The following LMBR1 variants were observed in gnomAD, a reference collection of about 807,000 sequenced individuals.
LMBR1 encodes limb region 1 protein homolog.
LMBR1 carries 52 observed loss-of-function variants against 73.9 expected under a neutral mutation model. That is an observed-to-expected ratio of 0.70 (90% confidence interval 0.56 to 0.89). The LOEUF (loss-of-function observed/expected upper bound fraction) is 0.89. Among genes scored for constraint, LMBR1 ranks in the 40% least tolerant of loss-of-function variants. The probability of loss-of-function intolerance (pLI) is 0.00; values close to 1 mark genes in which losing one functional copy is unlikely to be tolerated. For missense variants in LMBR1, 539 were observed against 579.8 expected, an observed-to-expected ratio of 0.93 and a Z score of 0.72; for synonymous variants, 215 against 209.4, an observed-to-expected ratio of 1.03 and a Z score of -0.23.
downstream of LMBR1, chr7:156,676,640 G>A (rs1385042015): frequency 3.1e-6 from 5 of 1,613,436 alleles, no homozygotes; most frequent in African/African-American, 6.7e-5. Flanking sequence ...ACCAGAAGAA[G>A]ATTCTTGAAT....
intron 4 of LMBR1, among the ~76,000 whole-genome samples, chr7:156,812,823 A>C (rs936670705): frequency 6.6e-6 from 1 of 152,074 alleles, no homozygotes; most frequent in African/African-American, 2.4e-5. Context: ...TGCCTGGTAC[A>C]CTCTAGCCCC....
At position 156,893,171 on chromosome 7, in the gene LMBR1, AG is replaced by A. The variant is rs1803498937; in HGVS notation, c.-179del. The A allele has an allele frequency of 2.2e-6, 1 of 447,774 alleles. No individual in the cohort carries two copies. The highest frequency in any genetic ancestry group is 4.9e-5 in the Admixed American group (1 of 20,258). The allele number at this position is 447,774 out of a possible 1,614,324, so 27.7% of individuals were successfully genotyped here. On this transcript the variant is annotated 5_prime_UTR_variant, in exon 1 of 17. Coordinates refer to ENST00000353442, the MANE Select transcript of LMBR1 (RefSeq NM_022458.4). ...GCCGTCGCCTCAGCAGCCTCAGACG[AG>A]CAGCTCTGACTAAGGGAGGGCGGGC...
At chr7:156,852,880 G>GTTTTTTGGC in intron 1 of LMBR1, among the ~76,000 whole-genome samples, 1 of 151,776 alleles carries the variant, frequency 6.6e-6, no homozygotes, top group Non-Finnish European at 1.5e-5. Flanking sequence ...AAAAAGTACA[G>GTTTTTTGGC]AAGATAAGCA....
chr7:156,742,815 C>CAAGGGTGAAGCAAA lies in LMBR1; in HGVS notation c.758-8559_758-8558insTTTGCTTCACCCTT, dbSNP rs546022553. ...CACATCAAAGAAAGCAAACTACAGA[C>CAAGGGTGAAGCAAA]CAACATCTCTGATGAATATTGATGC... On this transcript the variant is annotated intron_variant, in intron 9 of 16. Coordinates refer to ENST00000353442, the MANE Select transcript of LMBR1 (RefSeq NM_022458.4). Among the ~76,000 whole-genome samples the CAAGGGTGAAGCAAA allele has an allele frequency of 2.5e-3, 373 of 152,228 alleles. 1 individual carries two copies. The highest frequency in any genetic ancestry group is 0.024 in the Middle Eastern group (7 of 294).
intron 15 of LMBR1, among the ~76,000 whole-genome samples, chr7:156,690,066 A>G (rs938154627): frequency 1.3e-5 from 2 of 152,192 alleles, no homozygotes; most frequent in African/African-American, 4.8e-5. Context: ...CACAGCACGA[A>G]GTTCACTGAC....
intron 5 of LMBR1, among the ~76,000 whole-genome samples, chr7:156,793,435 T>C (rs1431023519): frequency 2.0e-5 from 3 of 152,230 alleles, no homozygotes; most frequent in African/African-American, 4.8e-5. Context: ...TCTAAACATT[T>C]CTACTAGGAT....
chr7:156,788,689 G>A (rs1007855630), intron 5 of LMBR1, among the ~76,000 whole-genome samples: 5 of 151,910 alleles, frequency 3.3e-5, no homozygotes, highest in Admixed American at 1.3e-4. Context: ...GAAATAGTAC[G>A]AGGTATATTT....
chr7:156,698,801 C>G (rs911442485), intron 15 of LMBR1, among the ~76,000 whole-genome samples: 3 of 152,132 alleles, frequency 2.0e-5, no homozygotes, highest in Non-Finnish European at 4.4e-5. Context: ...AGACACTTTC[C>G]CCATTATCTT....
intron 2 of LMBR1, among the ~76,000 whole-genome samples, 183 bp from the exon 3 acceptor site, chr7:156,833,975 G>A (rs1268297931): frequency 1.3e-5 from 2 of 152,038 alleles, no homozygotes; most frequent in Non-Finnish European, 2.9e-5. Context: ...CAAGTAGTAT[G>A]GTATATAGAG....
At chr7:156,838,804 A>G (rs540300397) in intron 1 of LMBR1, among the ~76,000 whole-genome samples, 3 of 152,218 alleles carry the variant, frequency 2.0e-5, no homozygotes, top group South Asian at 2.1e-4. Context: ...ACTGTTTTTT[A>G]TAACGGCCAT....
chr7:156,828,262 T>G (rs1176501463), intron 3 of LMBR1, among the ~76,000 whole-genome samples: 2 of 152,210 alleles, frequency 1.3e-5, no homozygotes, highest in Non-Finnish European at 2.9e-5. Context: ...TCAGGGTTCC[T>G]TCTTGCCCCT....
At chr7:156,840,274 G>A (rs113621731) in intron 1 of LMBR1, among the ~76,000 whole-genome samples, 4,854 of 152,184 alleles carry the variant, frequency 0.032, 126 homozygotes, top group South Asian at 0.085. Context: ...AAAGTGTGTC[G>A]TATGATAATT....
At chr7:156,712,947 G>A (rs564675920) in intron 15 of LMBR1, among the ~76,000 whole-genome samples, 7 of 152,210 alleles carry the variant, frequency 4.6e-5, no homozygotes, top group Non-Finnish European at 7.4e-5. Context: ...TACAAGCCCT[G>A]ACTACACCAT....
At position 156,839,419 on chromosome 7, in the gene LMBR1, G is replaced by A. The variant is rs112898489; in HGVS notation, c.67-2534C>T. Among the ~76,000 whole-genome samples the A allele has an allele frequency of 9.7e-4, 148 of 152,024 alleles. 2 individuals carry two copies. The highest frequency in any genetic ancestry group is 3.4e-3 in the Middle Eastern group (1 of 294). ...TATCAGATCTGGGGAATGCCAGACC[G>A]ACAAAAAAGGATGGGTCAACAGGAG... On this transcript the variant is annotated intron_variant, in intron 1 of 16. Coordinates refer to ENST00000353442, the MANE Select transcript of LMBR1 (RefSeq NM_022458.4).
At chr7:156,735,807 C>T (rs1266993722) in intron 9 of LMBR1, among the ~76,000 whole-genome samples, 1 of 152,110 alleles carries the variant, frequency 6.6e-6, no homozygotes, top group East Asian at 1.9e-4. Context: ...TTTATACACA[C>T]ACCTTTCATT....
At chr7:156,880,004 C>T (rs1253358732) in intron 1 of LMBR1, among the ~76,000 whole-genome samples, 1 of 152,204 alleles carries the variant, frequency 6.6e-6, no homozygotes, top group Non-Finnish European at 1.5e-5. Flanking sequence ...TACTGGGTAT[C>T]TACCCAGAGG....
intron 5 of LMBR1, among the ~76,000 whole-genome samples, chr7:156,791,477 C>T (rs1829219293): frequency 6.6e-6 from 1 of 152,136 alleles, no homozygotes; most frequent in African/African-American, 2.4e-5. Context: ...AAATACAGTA[C>T]AAGGTCACTT....
At chr7:156,744,735 A>G (rs112931769) in intron 9 of LMBR1, among the ~76,000 whole-genome samples, 3,483 of 152,258 alleles carry the variant, frequency 0.023, 53 homozygotes, top group Middle Eastern at 0.034. Flanking sequence ...ATTATCATAA[A>G]GTTTCTGGCT....
intron 1 of LMBR1, among the ~76,000 whole-genome samples, chr7:156,865,612 G>C (rs1200489088): frequency 6.6e-6 from 1 of 152,098 alleles, no homozygotes; most frequent in African/African-American, 2.4e-5. Flanking sequence ...AACAAATCCA[G>C]AAAAATCAGA....
Sources: gnomAD v4.1 joint callset for allele counts (sites outside exome capture counted in the v4.1 genomes callset) on GRCh38, gnomAD v4.1.1 for gene constraint, MANE v1.5 for transcripts, NCBI Gene and HGNC (gene_info 2026-07-23, HGNC 2026-07-21) for gene names.